The following RAPGEF4 variants were observed in gnomAD, a reference collection of about 807,000 sequenced individuals.
RAPGEF4 encodes the protein RAP guanine-nucleotide-exchange factor (GEF) 4.
In RAPGEF4, 66 loss-of-function variants were observed where a neutral mutation model predicts 147.9. That is an observed-to-expected ratio of 0.45 (90% CI 0.37 to 0.55). RAPGEF4 has a LOEUF of 0.55. Ranked by LOEUF, RAPGEF4 falls within the 20% of genes least tolerant of loss-of-function variation. The pLI is 0.00. For missense variants in RAPGEF4, 1,071 were observed against 1,257.3 expected (o/e 0.85, Z 2.24); for synonymous variants, 419 against 442.7 (o/e 0.95, Z 0.67).
chr2:172,950,818 T>G (rs1688137538), intron 6 of RAPGEF4, among the ~76,000 whole-genome samples: 1 of 152,260 alleles, frequency 6.6e-6, no homozygotes, highest in Admixed American at 6.5e-5. Flanking sequence ...ACATAAATGT[T>G]GTTAGAATGA....
chr2:172,807,423 C>T (rs986343695), intron 3 of RAPGEF4, among the ~76,000 whole-genome samples: 3 of 152,198 alleles, frequency 2.0e-5, no homozygotes, highest in East Asian at 1.9e-4. Context: ...AGTAACAGAC[C>T]TTGTCTTTGC....
chr2:172,860,507 A>G (rs1693908054), intron 4 of RAPGEF4, among the ~76,000 whole-genome samples: 1 of 152,118 alleles, frequency 6.6e-6, no homozygotes, highest in African/African-American at 2.4e-5. Flanking sequence ...AAATGTAAAA[A>G]AAAGTAATGG....
chr2:172,888,041 CTTTA>C (rs1697448301), intron 4 of RAPGEF4, among the ~76,000 whole-genome samples: 1 of 152,080 alleles, frequency 6.6e-6, no homozygotes. Context: ...GGTTCCATAT[CTTTA>C]TTTAATTCTG....
intron 6 of RAPGEF4, among the ~76,000 whole-genome samples, chr2:172,922,501 G>A (rs968825607): frequency 7.9e-5 from 12 of 152,226 alleles, no homozygotes; most frequent in South Asian, 2.1e-4. Context: ...TGGTCGTCAC[G>A]TGTCCCTGAT....
intron 1 of RAPGEF4, among the ~76,000 whole-genome samples, chr2:172,771,721 A>C (rs13418715): frequency 0.1 from 15,926 of 152,168 alleles, 868 homozygotes; most frequent in Middle Eastern, 0.15. Flanking sequence ...CTAGTATTAC[A>C]GATGTACACC....
intron 4 of RAPGEF4, among the ~76,000 whole-genome samples, chr2:172,819,219 C>A (rs1310693655): frequency 6.6e-6 from 1 of 151,772 alleles, no homozygotes; most frequent in Non-Finnish European, 1.5e-5. Flanking sequence ...GTCTTATTTT[C>A]TTAGTTTAAA....
intron 4 of RAPGEF4, among the ~76,000 whole-genome samples, chr2:172,815,407 T>G (rs1321535083): frequency 1.3e-5 from 2 of 152,238 alleles, no homozygotes; most frequent in African/African-American, 4.8e-5. Context: ...CTTTTATTCT[T>G]GGCAGTAGTG....
intron 29 of RAPGEF4, among the ~76,000 whole-genome samples, chr2:173,044,595 C>A (rs1685212173): frequency 6.6e-6 from 1 of 152,204 alleles, no homozygotes; most frequent in African/African-American, 2.4e-5. Flanking sequence ...TTGGGCCCAT[C>A]TCTAAGCCCT....
At position 172,736,033 on chromosome 2, in the gene RAPGEF4, C is replaced by G. The variant is rs756780970; in HGVS notation, c.50C>G (p.Ala17Gly). The G allele has an allele frequency of 6.9e-7, 1 of 1,454,462 alleles. No individual in the cohort carries two copies. The highest frequency in any genetic ancestry group is 1.3e-5 in the South Asian group (1 of 77,186). 90.1% of individuals were successfully genotyped at this position (1,454,462 alleles called of 1,614,324 possible). ...AHSSSSAEWI[A>G]CLDKRPLERS... The stretch of plus-strand genomic sequence containing the variant: ...TCTTCCTCCTCTGCCGAGTGGATCG[C>G]CTGCCTGGATAAAAGGTAGCTCGCC... Residue 17 changes from alanine (A) to glycine (G), a missense_variant, in exon 1 of 31, where the codon GCC becomes GGC. Physicochemically the swap from Ala to Gly is moderately conservative, Grantham distance 60 (BLOSUM62 0). Transcript: ENST00000397081.
chr2:172,737,683 C>T (rs1445314746), intron 1 of RAPGEF4, among the ~76,000 whole-genome samples: 1 of 150,562 alleles, frequency 6.6e-6, no homozygotes, highest in East Asian at 1.9e-4. Flanking sequence ...TTAATGCCAC[C>T]ATTCATAATG....
At chr2:173,032,906 T>C (rs1697327376) in intron 26 of RAPGEF4, among the ~76,000 whole-genome samples, 1 of 152,200 alleles carries the variant, frequency 6.6e-6, no homozygotes, top group African/African-American at 2.4e-5. Context: ...CCCAGGAGTC[T>C]CTGAGACCCA....
intron 29 of RAPGEF4, among the ~76,000 whole-genome samples, chr2:173,038,525 G>A (rs1684334573): frequency 6.6e-6 from 1 of 152,146 alleles, no homozygotes; most frequent in African/African-American, 2.4e-5. Flanking sequence ...CTCATAAGTG[G>A]GAGTTGAACA....
intron 10 of RAPGEF4, among the ~76,000 whole-genome samples, chr2:172,971,810 C>T (rs73977744): frequency 6.2e-4 from 94 of 151,996 alleles, no homozygotes; most frequent in African/African-American, 2.1e-3. Flanking sequence ...TTTACTTAAA[C>T]GGAAAGAAAA....
intron 10 of RAPGEF4, among the ~76,000 whole-genome samples, chr2:172,970,600 G>T (rs572214151): frequency 1.3e-5 from 2 of 151,924 alleles, no homozygotes; most frequent in African/African-American, 2.4e-5. Context: ...GCTTTGAAAG[G>T]TACTTCCTAT....
intron 4 of RAPGEF4, among the ~76,000 whole-genome samples, chr2:172,911,515 G>A (rs1223731953): frequency 6.6e-6 from 1 of 152,050 alleles, no homozygotes; most frequent in African/African-American, 2.4e-5. Context: ...CTGGAGTACA[G>A]TGGTGCAACC....
rs563280220 is a variant in RAPGEF4, at chr2:172,735,967, G to A, written c.-17G>A. ...GGAGGTCGCCGCAGCCAGGGACACCGCGCGCCGCCGCTCAACATGGTCGCT... is the reference window on the plus strand; with the variant it reads ...GGAGGTCGCCGCAGCCAGGGACACCACGCGCCGCCGCTCAACATGGTCGCT... On this transcript the variant is annotated 5_prime_UTR_variant, in exon 1 of 31. Coordinates refer to ENST00000397081, the MANE Select transcript of RAPGEF4 (RefSeq NM_007023.4). The A allele has an allele frequency of 6.3e-5, 91 of 1,455,050 alleles. No homozygotes were observed. The South Asian group carries it at 1.0e-3, about 17-fold the overall frequency. 90.1% of individuals were successfully genotyped at this position (1,455,050 alleles called of 1,614,324 possible).
At chr2:172,802,939 A>G (rs1383920657) in intron 3 of RAPGEF4, among the ~76,000 whole-genome samples, 3 of 152,204 alleles carry the variant, frequency 2.0e-5, no homozygotes, top group Non-Finnish European at 1.5e-5. Flanking sequence ...CTTTGACTCT[A>G]TGTCTCATAT....
intron 4 of RAPGEF4, among the ~76,000 whole-genome samples, chr2:172,872,604 GGTGA>G (rs377360685): frequency 6.6e-6 from 1 of 152,002 alleles, no homozygotes; most frequent in Non-Finnish European, 1.5e-5. Context: ...TTCTCATGAT[GGTGA>G]GTGAGTTCTC....
chr2:172,862,181 C>T (rs1461671644), intron 4 of RAPGEF4, among the ~76,000 whole-genome samples: 1 of 152,138 alleles, frequency 6.6e-6, no homozygotes, highest in Non-Finnish European at 1.5e-5. Context: ...ATGGAAAAAT[C>T]CCATAATAAT....
Sources: allele counts gnomAD v4.1 joint callset (sites outside exome capture counted in the v4.1 genomes callset), GRCh38; gene constraint gnomAD v4.1.1; transcripts MANE v1.5; gene names NCBI Gene and HGNC (gene_info 2026-07-23, HGNC 2026-07-21).